CPSF6: variants seen among roughly 807,000 people sequenced by gnomAD.
CPSF6 encodes cleavage and polyadenylation specificity factor subunit 6.
Under a neutral mutation model 56.7 loss-of-function variants are expected in CPSF6, and 10 were observed. The ratio of observed to expected loss-of-function variants is 0.18; its 90% CI spans 0.11 to 0.30. The LOEUF is 0.30. CPSF6 is among the 10% of genes least tolerant of loss of function. The pLI is 1.00. For synonymous variants in CPSF6, 248 were observed against 244.8 expected (o/e 1.01, Z -0.12); for missense variants, 419 against 722.9 (o/e 0.58, Z 4.82).
At chr12:69,261,045 T>C (rs1872721803) in intron 8 of CPSF6, among the ~76,000 whole-genome samples, 2 of 152,250 alleles carry the variant, frequency 1.3e-5, no homozygotes, top group Admixed American at 1.3e-4. Flanking sequence ...TTTTTTTCTT[T>C]TTAGCATTGC....
intron 3 of CPSF6, among the ~76,000 whole-genome samples, chr12:69,254,342 A>T (rs565072070): frequency 6.6e-6 from 1 of 152,316 alleles, no homozygotes; most frequent in Non-Finnish European, 1.5e-5. Context: ...GCTGTTGGCC[A>T]GACCAATTCC....
chr12:69,272,657 C>T lies in CPSF6; in HGVS notation c.*3149C>T, dbSNP rs761822108. The stretch of plus-strand genomic sequence containing the variant: ...AGGAAGTTTATGTTCTAATTCTTGA[C>T]TGAGAATACAGTATTGAGATTCTCT... On this transcript the variant is annotated 3_prime_UTR_variant, in exon 10 of 10. Transcript: ENST00000435070. The T allele has an allele frequency of 6.6e-6, 1 of 151,790 alleles. No individual in the cohort carries two copies. The highest frequency in any genetic ancestry group is 1.5e-5 in the Non-Finnish European group (1 of 67,728). The allele number at this position is 151,790 out of a possible 1,614,324, so 9.4% of individuals were successfully genotyped here.
At chr12:69,249,368 C>G (rs1872112791) in intron 1 of CPSF6, among the ~76,000 whole-genome samples, 1 of 151,972 alleles carries the variant, frequency 6.6e-6, no homozygotes, top group Non-Finnish European at 1.5e-5. Flanking sequence ...GTAGCCTGGG[C>G]CCATAATATC....
chr12:69,262,205 A>G lies in CPSF6; in HGVS notation c.1470-168A>G, dbSNP rs971257089. ...TTTTTAATAGTGAAATTTCTGGTTC[A>G]TGCTTACCTGGTGAGTTGGTAAGTC... On this transcript the variant is annotated intron_variant, in intron 8 of 9. Transcript: ENST00000435070. 5 of 379,202 alleles carry G rather than the reference A, an allele frequency of 1.3e-5. No homozygotes were observed. In the East Asian group the frequency reaches 6.5e-4, roughly 49 times the overall value. 23.5% of individuals were successfully genotyped at this position (379,202 alleles called of 1,614,324 possible).
chr12:69,244,518 T>C (rs10878945), intron 1 of CPSF6, among the ~76,000 whole-genome samples: 83,586 of 151,928 alleles, frequency 0.55, 23,255 homozygotes, highest in East Asian at 0.73. Flanking sequence ...GTCACCACAC[T>C]GGGCCTAAAC....
Position 69,257,851 on chromosome 12 carries a change from G to A in CPSF6, c.640G>A (p.Gly214Arg). 6.2e-7 allele frequency: 1 copy of A among 1,610,400 alleles called. No homozygotes were observed. Among genetic ancestry groups the A allele is most frequent in the South Asian group, 1.1e-5 (1 of 90,430 alleles). ...RGRFPGAVPG[G>R]DRFPGPAGPG... ...CCGTTTTCCAGGGGCTGTTCCTGGT[G>A]GGGACAGATTTCCTGGGCCAGCAGG... is the stretch of plus-strand genomic sequence containing the variant. Residue 214 changes from glycine (G) to arginine (R), a missense_variant, in exon 5 of 10, where the codon GGG becomes AGG. Physicochemically the swap from Gly to Arg is moderately radical, Grantham distance 125 (BLOSUM62 -2). This residue lies in a region of CPSF6 where 211 missense variants were observed against 296.0 expected (regional missense o/e 0.71). Transcript: ENST00000435070.
chr12:69,258,306 A>T lies in CPSF6; in HGVS notation c.695-284A>T. 1.7e-6 allele frequency: 1 copy of T among 601,294 alleles called. No individual in the cohort carries two copies. The highest frequency in any genetic ancestry group is 2.9e-6 in the Non-Finnish European group (1 of 348,120). The allele number at this position is 601,294 out of a possible 1,614,324, so 37.2% of individuals were successfully genotyped here. On this transcript the variant is annotated intron_variant, in intron 5 of 9. Transcript: ENST00000435070. This position sits in a 1 kb window ranked among gnomAD's most constrained non-coding sequence, Gnocchi z 4.2. ...ATAAGGTGGGTGATTTCACTGTAAGAAGTGTGTGTACACGGAAAGATGGAA... is the reference window on the plus strand; with the variant it reads ...ATAAGGTGGGTGATTTCACTGTAAGTAGTGTGTGTACACGGAAAGATGGAA...
At position 69,270,403 on chromosome 12, in the gene CPSF6, C is replaced by G. The variant is rs531973073; in HGVS notation, c.*895C>G. The stretch of plus-strand genomic sequence containing the variant: ...TGTACCGAAACACTTAATTGTGAAC[C>G]GCTAACATTGAAGAAATTTTGACAA... On this transcript the variant is annotated 3_prime_UTR_variant, in exon 10 of 10. Coordinates refer to ENST00000435070, the MANE Select transcript of CPSF6 (RefSeq NM_007007.3). 2 of 152,130 alleles carry G rather than the reference C, an allele frequency of 1.3e-5. No homozygotes were observed. Among genetic ancestry groups the G allele is most frequent in the Non-Finnish European group, 3.0e-5 (2 of 67,674 alleles). 9.4% of individuals were successfully genotyped at this position (152,130 alleles called of 1,614,324 possible).
At position 69,256,910 on chromosome 12, in the gene CPSF6, A is replaced by G. The variant is rs184393415; in HGVS notation, c.520+68A>G. 240 of 1,347,486 alleles carry G rather than the reference A, an allele frequency of 1.8e-4. No homozygotes were observed. In the African/African-American group the frequency reaches 2.7e-3, roughly 15 times the overall value. The allele number at this position is 1,347,486 out of a possible 1,614,324, so 83.5% of individuals were successfully genotyped here. On this transcript the variant is annotated intron_variant, in intron 4 of 9. Coordinates refer to ENST00000435070, the MANE Select transcript of CPSF6 (RefSeq NM_007007.3). ...AACCAGTGCATTTGTTAGGTGTTAT[A>G]CTAGAGAAGTCATCTTAATACTAGC...
intron 4 of CPSF6, 120 bp from the exon 5 acceptor site, chr12:69,257,612 A>G: frequency 1.1e-6 from 1 of 894,736 alleles, no homozygotes; most frequent in Non-Finnish European, 1.7e-6. Context: ...TGTAGTTTGC[A>G]TAGGCACAAG....
Position 69,273,572 on chromosome 12 carries a change from C to G in CPSF6, c.*4064C>G, listed in dbSNP as rs567272425. 3 of 152,146 alleles carry G rather than the reference C, an allele frequency of 2.0e-5. No individual in the cohort carries two copies. Among genetic ancestry groups the G allele is most frequent in the Admixed American group, 6.5e-5 (1 of 15,288 alleles). The allele number at this position is 152,146 out of a possible 1,614,324, so 9.4% of individuals were successfully genotyped here. On this transcript the variant is annotated 3_prime_UTR_variant, in exon 10 of 10. Coordinates refer to ENST00000435070, the MANE Select transcript of CPSF6 (RefSeq NM_007007.3). ...TACATTAATTTCATAATTGGACAGA[C>G]CCTGCATTTAGCGAAAACATTTTGT... is the stretch of plus-strand genomic sequence containing the variant.
In CPSF6 at chr12:69,266,697, C is replaced by T. The variant is rs533976602; in HGVS notation, c.*4-2815C>T. 9.9e-5 allele frequency among the ~76,000 whole-genome samples: 15 copies of T among 152,242 alleles called. No homozygotes were observed. The Middle Eastern group carries it at 0.014, about 138-fold the overall frequency. ...ATTTGTGGTAGCATGTTTTGACTCT[C>T]CATGAATTATAAATAACAGGTTATT... On this transcript the variant is annotated intron_variant, in intron 9 of 9. Transcript: ENST00000435070.
chr12:69,253,151 A>C lies in CPSF6; in HGVS notation c.371A>C (p.Lys124Thr). 6.6e-7 allele frequency: 1 copy of C among 1,509,694 alleles called. No individual in the cohort carries two copies. Among genetic ancestry groups the C allele is most frequent in the Non-Finnish European group, 9.1e-7 (1 of 1,104,348 alleles). 93.5% of individuals were successfully genotyped at this position (1,509,694 alleles called of 1,614,324 possible). Residue 124 changes from lysine to threonine, a missense_variant, in exon 3 of 10, where the codon AAG (lysine) becomes ACG (threonine). Transcript: ENST00000435070. ...GAAAATCGGGCAAATGGCCAGTCAA[A>C]GGGGTAAGTTTTTTTTTTCTTTCTT... Reference protein sequence around the residue: ...FFENRANGQSKGFALVGVGSE... With the variant: ...FFENRANGQSTGFALVGVGSE...
chr12:69,241,925 CAAAAA>C (rs57273995), intron 1 of CPSF6, among the ~76,000 whole-genome samples: 1 of 128,934 alleles, frequency 7.8e-6, no homozygotes, highest in Non-Finnish European at 1.7e-5. Context: ...GTTTCTGTAC[CAAAAA>C]AAAAAAAAAG....
chr12:69,251,683 A>T (rs910604182), intron 2 of CPSF6, among the ~76,000 whole-genome samples: 3 of 152,206 alleles, frequency 2.0e-5, no homozygotes, highest in African/African-American at 7.2e-5. Context: ...TCAAACCAGG[A>T]TTCAAGTGTA....
Position 69,258,180 on chromosome 12 carries a change from T to C in CPSF6, c.694+275T>C. ...TTTCTCCAAACTTGCTTGACTTATA[T>C]ATAGAATATTTACATCCGTCTTACT... On this transcript the variant is annotated intron_variant, in intron 5 of 9. Transcript: ENST00000435070. This position sits in a 1 kb window ranked among gnomAD's most constrained non-coding sequence, Gnocchi z 4.2. 8.8e-7 allele frequency: 1 copy of C among 1,137,646 alleles called. No homozygotes were observed. Among genetic ancestry groups the C allele is most frequent in the Non-Finnish European group, 1.3e-6 (1 of 795,888 alleles). 70.5% of individuals were successfully genotyped at this position (1,137,646 alleles called of 1,614,324 possible).
intron 1 of CPSF6, among the ~76,000 whole-genome samples, chr12:69,243,431 G>C (rs1364210574): frequency 6.6e-6 from 1 of 152,214 alleles, no homozygotes; most frequent in Non-Finnish European, 1.5e-5. Flanking sequence ...TGTCATTTGT[G>C]ATCATAGAGT....
rs1157552221 is a variant in CPSF6, at chr12:69,258,770, T to C, written c.875T>C (p.Leu292Pro). ...TTTGGGCAGCCTCCATTGGGTCCAC[T>C]TCCTCCTGGCCCTCCACCTCCAGTT... ...QPFGQPPLGP[L>P]PPGPPPPVPG... is the part of the protein sequence containing the mutation. The change falls in exon 6 of 10, where the codon CTT becomes CCT. Residue 292 changes from leucine (L) to proline (P), a missense_variant. By Grantham distance (98) the Leu-to-Pro change is moderately conservative. This residue lies in a region of CPSF6 where 211 missense variants were observed against 296.0 expected (regional missense o/e 0.71). Transcript: ENST00000435070. This position sits in a 1 kb window ranked among gnomAD's most constrained non-coding sequence, Gnocchi z 4.2. 1 of 1,613,864 alleles carries C rather than the reference T, an allele frequency of 6.2e-7. No homozygotes were observed. The highest frequency in any genetic ancestry group is 1.3e-5 in the African/African-American group (1 of 74,866).
intron 1 of CPSF6, among the ~76,000 whole-genome samples, chr12:69,246,400 A>G (rs1200250204): frequency 6.6e-6 from 1 of 152,246 alleles, no homozygotes; most frequent in African/African-American, 2.4e-5. Context: ...AAAAATGGAT[A>G]GAAATGTTCA....
Sources: gnomAD v4.1 joint callset for allele counts (sites outside exome capture counted in the v4.1 genomes callset) on GRCh38, gnomAD v4.1.1 for gene constraint, gnomAD v4.1.1 regional missense constraint, Gnocchi (gnomAD v3.1) non-coding constraint, MANE v1.5 for transcripts, NCBI Gene and HGNC (gene_info 2026-07-23, HGNC 2026-07-21) for gene names.